The following NTM variants were observed in gnomAD, a reference collection of about 807,000 sequenced individuals.
NTM encodes the protein IgLON family member 2.
NTM carries 13 observed loss-of-function variants against 42.1 expected under a neutral mutation model. The observed-to-expected ratio is 0.31, with a 90% CI of 0.20 to 0.49. The LOEUF is 0.49. Among genes scored for constraint, NTM ranks in the 20% least tolerant of loss-of-function variants. The pLI is 0.99. For missense variants in NTM, 373 were observed against 452.8 expected, an observed-to-expected ratio of 0.82 and a Z score of 1.60; for synonymous variants, 187 against 179.2, an observed-to-expected ratio of 1.04 and a Z score of -0.35.
rs1237547001 is a variant in NTM, at chr11:132,325,247, G to A, written c.935-4906G>A. On this transcript the variant is annotated intron_variant, in intron 7 of 8. Transcript: ENST00000683400. ...AGTGAACAGGCAACCTACAAAATGGGAGAAAATTTTCGCAACCTACTCATC... is the reference window on the plus strand; with the variant it reads ...AGTGAACAGGCAACCTACAAAATGGAAGAAAATTTTCGCAACCTACTCATC... 1.3e-4 allele frequency among the ~76,000 whole-genome samples: 20 copies of A among 150,132 alleles called. No homozygotes were observed. The South Asian group carries it at 4.2e-3, about 32-fold the overall frequency.
In NTM at chr11:132,146,496, G is replaced by A. The variant is rs2070440507; in HGVS notation, c.382G>A (p.Val128Ile). The A allele has an allele frequency of 1.9e-6, 3 of 1,614,158 alleles. No individual in the cohort carries two copies. Among genetic ancestry groups the A allele is most frequent in the Middle Eastern group, 1.6e-4 (1 of 6,062 alleles). Residue 128 changes from valine (V) to isoleucine (I), a missense_variant, in exon 3 of 9, where the codon GTC (valine) becomes ATC (isoleucine). This residue lies in a region of NTM where 312 missense variants were observed against 353.5 expected (regional missense o/e 0.88). Coordinates refer to ENST00000683400, the MANE Select transcript of NTM (RefSeq NM_001352005.2). This position sits in a 1 kb window ranked among gnomAD's most constrained non-coding sequence, Gnocchi z 4.5. ...QTDNHPKTSR[V>I]HLIVQVSPKI... ...AGACAACCACCCAAAGACCTCTAGGGTCCACCTCATTGTGCAAGGTAGGTG... is the reference window on the plus strand; with the variant it reads ...AGACAACCACCCAAAGACCTCTAGGATCCACCTCATTGTGCAAGGTAGGTG...
At chr11:131,432,839 C>CATTTTTTTTTTTTTTTTTT (rs1565494793) in intron 1 of NTM, among the ~76,000 whole-genome samples, 20 of 68,690 alleles carry the variant, frequency 2.9e-4, no homozygotes, top group Non-Finnish European at 4.4e-4. Context: ...ATTTAGCATT[C>CATTTTTTTTTTTTTTTTTT]TTTTTTTTTT....
At chr11:132,282,542 G>T (rs2094015321) in intron 4 of NTM, among the ~76,000 whole-genome samples, 1 of 152,160 alleles carries the variant, frequency 6.6e-6, no homozygotes, top group South Asian at 2.1e-4. Flanking sequence ...CGCTCCCCGA[G>T]TAGCTTGTGT....
Position 131,868,671 on chromosome 11 carries a change from C to G in NTM, c.83-42893C>G, listed in dbSNP as rs74991035. 8.9e-3 allele frequency among the ~76,000 whole-genome samples: 1,363 copies of G among 152,306 alleles called. 18 individuals carry two copies. Among genetic ancestry groups the G allele is most frequent in the African/African-American group, 0.031 (1,293 of 41,564 alleles). ...CACCCTGAGCTCTGTGTCACTCTAC[C>G]TTTGTTATTGTTTTCTTTTTCAATT... On this transcript the variant is annotated intron_variant, in intron 1 of 8. Transcript: ENST00000683400.
intron 1 of NTM, among the ~76,000 whole-genome samples, chr11:131,409,846 A>G (rs1946179645): frequency 2.0e-5 from 3 of 152,194 alleles, no homozygotes; most frequent in African/African-American, 7.2e-5. Context: ...CATCTGTCTT[A>G]AAAACAAAAA....
chr11:131,786,194 T>G (rs566986336), intron 1 of NTM, among the ~76,000 whole-genome samples: 2 of 152,144 alleles, frequency 1.3e-5, no homozygotes, highest in Non-Finnish European at 2.9e-5. Flanking sequence ...AGCTTGAAAA[T>G]TTTTAAGACA....
chr11:131,785,465 A>G (rs2136047734), intron 1 of NTM, among the ~76,000 whole-genome samples: 1 of 152,350 alleles, frequency 6.6e-6, no homozygotes, highest in Non-Finnish European at 1.5e-5. Flanking sequence ...CTTGGCAGCT[A>G]AGGCTAACAA....
chr11:132,171,197 C>T (rs1341659844), intron 3 of NTM, among the ~76,000 whole-genome samples: 1 of 152,148 alleles, frequency 6.6e-6, no homozygotes. Context: ...ACAAGCTCAC[C>T]GAGGTCAAAC....
intron 1 of NTM, among the ~76,000 whole-genome samples, chr11:131,664,599 C>T (rs943852739): frequency 6.6e-6 from 1 of 152,054 alleles, no homozygotes; most frequent in African/African-American, 2.4e-5. Context: ...TGAACACGCG[C>T]CATACGTTGC....
At chr11:132,232,649 C>A (rs2087861223) in intron 4 of NTM, among the ~76,000 whole-genome samples, 1 of 152,156 alleles carries the variant, frequency 6.6e-6, no homozygotes, top group Admixed American at 6.5e-5. Flanking sequence ...AAAATAGGAT[C>A]AGAATATGAA....
chr11:131,657,036 G>A (rs1286189607), intron 1 of NTM, among the ~76,000 whole-genome samples: 1 of 151,306 alleles, frequency 6.6e-6, no homozygotes, highest in Non-Finnish European at 1.5e-5. Context: ...TCTCTGCATT[G>A]TTAGCGGGGA....
At chr11:131,498,334 C>T (rs1207505066) in intron 1 of NTM, among the ~76,000 whole-genome samples, 1 of 152,152 alleles carries the variant, frequency 6.6e-6, no homozygotes, top group Non-Finnish European at 1.5e-5. Flanking sequence ...TCCAGAGTGG[C>T]TGGGAAGAAG....
chr11:131,773,298 C>G (rs143736103), intron 1 of NTM, among the ~76,000 whole-genome samples: 4 of 152,244 alleles, frequency 2.6e-5, no homozygotes, highest in Non-Finnish European at 5.9e-5. Context: ...TTGGAGCCCT[C>G]GTGAACTAAT....
intron 1 of NTM, chr11:131,455,458 G>C (rs1299117922): frequency 6.6e-6 from 1 of 152,226 alleles, no homozygotes; most frequent in East Asian, 1.9e-4. Flanking sequence ...GTAGAACGAT[G>C]AATCAGTAAG....
intron 2 of NTM, among the ~76,000 whole-genome samples, chr11:131,971,282 A>G (rs2063495719): frequency 6.6e-6 from 1 of 152,032 alleles, no homozygotes; most frequent in African/African-American, 2.4e-5. Context: ...GTAAAATGAC[A>G]CCTCACTGTT....
chr11:132,010,978 A>C (rs576980962), intron 2 of NTM, among the ~76,000 whole-genome samples: 1 of 151,706 alleles, frequency 6.6e-6, no homozygotes, highest in East Asian at 1.9e-4. Context: ...CCATAAAATG[A>C]AAGTGACCTG....
chr11:131,405,805 A>G (rs574600381), intron 1 of NTM, among the ~76,000 whole-genome samples: 66 of 152,044 alleles, frequency 4.3e-4, no homozygotes, highest in African/African-American at 1.6e-3. Flanking sequence ...ATACATCCCC[A>G]TCTTCCTCAG....
intron 2 of NTM, among the ~76,000 whole-genome samples, chr11:132,083,206 T>G (rs999287538): frequency 6.6e-6 from 1 of 152,200 alleles, no homozygotes; most frequent in African/African-American, 2.4e-5. Context: ...TAGTTTAAAA[T>G]GTAGATGAAA....
At chr11:131,865,969 ATACACCTCC>A (rs2047133951) in intron 1 of NTM, among the ~76,000 whole-genome samples, 1 of 144,242 alleles carries the variant, frequency 6.9e-6, no homozygotes, top group African/African-American at 2.6e-5. Flanking sequence ...CATGCTACAC[ATACACCTCC>A]CACACACTCT....
Sources: gnomAD v4.1 joint callset for allele counts (sites outside exome capture counted in the v4.1 genomes callset) on GRCh38, gnomAD v4.1.1 for gene constraint, gnomAD v4.1.1 regional missense constraint, Gnocchi (gnomAD v3.1) non-coding constraint, MANE v1.5 for transcripts, NCBI Gene and HGNC (gene_info 2026-07-23, HGNC 2026-07-21) for gene names.